RIMS2: variants seen among roughly 807,000 people sequenced by gnomAD.
RIMS2 encodes the protein regulating synaptic membrane exocytosis 2.
RIMS2 carries 59 observed loss-of-function variants against 174.4 expected under a neutral mutation model. The observed-to-expected ratio is 0.34, with a 90% CI of 0.27 to 0.42. The LOEUF is 0.42. RIMS2 is among the 10% of genes least tolerant of loss of function. The pLI, the probability that RIMS2 is intolerant of heterozygous loss-of-function variation, is 1.00. For missense variants in RIMS2, 1,620 were observed against 1,666.3 expected, an observed-to-expected ratio of 0.97 and a Z score of 0.48; for synonymous variants, 606 against 572.5, an observed-to-expected ratio of 1.06 and a Z score of -0.84.
At chr8:104,057,877 G>A (rs970563822) in intron 19 of RIMS2, among the ~76,000 whole-genome samples, 1 of 151,612 alleles carries the variant, frequency 6.6e-6, no homozygotes, top group South Asian at 2.1e-4. Flanking sequence ...TTTCATCCAT[G>A]TCCCTACAAA....
intron 19 of RIMS2, among the ~76,000 whole-genome samples, chr8:104,103,957 G>C (rs1307531684): frequency 3.3e-5 from 5 of 152,184 alleles, no homozygotes; most frequent in Non-Finnish European, 7.3e-5. Context: ...ATGGTCTGAA[G>C]AGAAGGTCTA....
chr8:104,175,403 G>T (rs1323636205), intron 19 of RIMS2, among the ~76,000 whole-genome samples: 1 of 151,698 alleles, frequency 6.6e-6, no homozygotes, highest in African/African-American at 2.4e-5. Context: ...ATCATATCAG[G>T]GTAAATGGGG....
At chr8:104,111,634 T>C (rs2131761493) in intron 19 of RIMS2, among the ~76,000 whole-genome samples, 1 of 152,204 alleles carries the variant, frequency 6.6e-6, no homozygotes, top group East Asian at 1.9e-4. Flanking sequence ...TCTCCATCTC[T>C]TGACCGCGTG....
chr8:103,844,093 C>T (rs1032535561), intron 3 of RIMS2, among the ~76,000 whole-genome samples: 1 of 152,204 alleles, frequency 6.6e-6, no homozygotes, highest in African/African-American at 2.4e-5. Flanking sequence ...CTCCTCCTTG[C>T]CTTCTGCCAC....
At chr8:103,791,149 A>G (rs947335031) in intron 3 of RIMS2, among the ~76,000 whole-genome samples, 5 of 152,202 alleles carry the variant, frequency 3.3e-5, no homozygotes, top group African/African-American at 9.6e-5. Flanking sequence ...AATGAAGGAA[A>G]AAATGTTAAG....
At chr8:104,223,220 C>G (rs1285913405) in intron 19 of RIMS2, 1 of 212,098 alleles carries the variant, frequency 4.7e-6, no homozygotes, top group African/African-American at 2.3e-5. Flanking sequence ...GAGGCGCGCG[C>G]CCCGGAGCCA....
In RIMS2 at chr8:103,754,228, G is replaced by A. The variant is rs886265460; in HGVS notation, c.388-11999G>A. On this transcript the variant is annotated intron_variant, in intron 2 of 23. Transcript: ENST00000504942. ...GAGCAGGTTGTTCAGTTTCCATGTA[G>A]TTGAGCGGTTTTGAGTGAGTTTCTT... Among the ~76,000 whole-genome samples the A allele has an allele frequency of 3.3e-5, 5 of 152,192 alleles. No homozygotes were observed. The East Asian group carries it at 9.6e-4, about 29-fold the overall frequency.
chr8:103,518,089 A>C (rs1181407930), intron 1 of RIMS2, among the ~76,000 whole-genome samples: 1 of 152,102 alleles, frequency 6.6e-6, no homozygotes, highest in African/African-American at 2.4e-5. Flanking sequence ...AGTTGTAGCA[A>C]AATGGTGGGT....
At chr8:104,251,872 A>AAG, downstream of RIMS2, 1 of 1,153,990 alleles carries the variant, frequency 8.7e-7, no homozygotes, top group South Asian at 1.3e-5. Context: ...AAAAAAAAAA[A>AAG]AAAATCACAG....
At chr8:103,597,254 A>T (rs1185459109) in intron 1 of RIMS2, among the ~76,000 whole-genome samples, 1 of 152,176 alleles carries the variant, frequency 6.6e-6, no homozygotes, top group Non-Finnish European at 1.5e-5. Context: ...ATAAAGTTCT[A>T]GTTCTCTGAT....
chr8:103,535,799 G>A (rs1839473526), intron 1 of RIMS2, among the ~76,000 whole-genome samples: 1 of 152,206 alleles, frequency 6.6e-6, no homozygotes, highest in Non-Finnish European at 1.5e-5. Context: ...AATCACATAA[G>A]GAACAAAGTT....
chr8:104,096,517 CTCTGTAGGGAACATATAT>C (rs1247932084), intron 19 of RIMS2, among the ~76,000 whole-genome samples: 13 of 152,126 alleles, frequency 8.5e-5, no homozygotes, highest in Non-Finnish European at 5.9e-5. Context: ...CCAGGTTGAT[CTCTGTAGGGAACATATAT>C]CCTGGAACAT....
chr8:103,805,759 C>G (rs1030882815), intron 3 of RIMS2, among the ~76,000 whole-genome samples: 1 of 151,898 alleles, frequency 6.6e-6, no homozygotes, highest in Non-Finnish European at 1.5e-5. Flanking sequence ...CTAGTTTTCA[C>G]CTTATTTTTC....
At chr8:104,134,709 A>G (rs1156921132) in intron 19 of RIMS2, among the ~76,000 whole-genome samples, 1 of 152,208 alleles carries the variant, frequency 6.6e-6, no homozygotes, top group Non-Finnish European at 1.5e-5. Flanking sequence ...TGGATGGTCT[A>G]CCACTGGGGG....
chr8:103,662,672 G>GTC (rs901204250), intron 1 of RIMS2, among the ~76,000 whole-genome samples: 7 of 149,552 alleles, frequency 4.7e-5, no homozygotes, highest in Admixed American at 6.7e-5. Flanking sequence ...AGTCAGAAGA[G>GTC]TCTATCTATC....
chr8:104,057,332 T>A (rs541805966), intron 19 of RIMS2, among the ~76,000 whole-genome samples: 6 of 152,174 alleles, frequency 3.9e-5, no homozygotes, highest in Non-Finnish European at 7.4e-5. Flanking sequence ...CCTCTCAAAG[T>A]GCTGTGATTA....
At chr8:104,245,148 C>T (rs1588170482) in intron 20 of RIMS2, 91 bp downstream of exon 26, 4 of 1,263,540 alleles carry the variant, frequency 3.2e-6, no homozygotes, top group East Asian at 2.4e-5. Context: ...CTCTCATGCT[C>T]TTCAGAACCA....
intron 3 of RIMS2, among the ~76,000 whole-genome samples, chr8:103,781,979 C>T (rs2098394539): frequency 6.6e-6 from 1 of 151,828 alleles, no homozygotes; most frequent in African/African-American, 2.4e-5. Context: ...AACTCCTGAC[C>T]TCCGGTGATC....
At chr8:104,206,461 G>A (rs1419171671) in intron 19 of RIMS2, among the ~76,000 whole-genome samples, 4 of 152,104 alleles carry the variant, frequency 2.6e-5, no homozygotes, top group Non-Finnish European at 5.9e-5. Flanking sequence ...TTGGATCAGT[G>A]TCAGAAGAAT....
Sources: allele counts gnomAD v4.1 joint callset (sites outside exome capture counted in the v4.1 genomes callset), GRCh38; gene constraint gnomAD v4.1.1; transcripts MANE v1.5; gene names NCBI Gene and HGNC (gene_info 2026-07-23, HGNC 2026-07-21).